Variants in TTC34 observed in about 807,000 individuals in gnomAD.
TTC34 encodes tetratricopeptide repeat domain 34, also known as tetratricopeptide repeat protein 34.
In TTC34, 44 loss-of-function variants were observed where a neutral mutation model predicts 40.7. The ratio of observed to expected loss-of-function variants is 1.08; its 90% confidence interval spans 0.85 to 1.39. TTC34 has a LOEUF of 1.39. Among genes scored for constraint, TTC34 ranks in the 40% most tolerant of loss-of-function variants. TTC34 has a pLI of 0.00. For synonymous variants in TTC34, 422 were observed against 398.6 expected (o/e 1.06, Z -0.70); for missense variants, 884 against 838.0 (o/e 1.05, Z -0.68).
At chr1:2,771,477 T>C (rs1305463939) in intron 6 of TTC34, among the ~76,000 whole-genome samples, 14 of 69,676 alleles carry the variant, frequency 2.0e-4, no homozygotes, top group East Asian at 9.9e-4. Context: ...TGGAACAGCA[T>C]CCACACCCCC....
intron 6 of TTC34, among the ~76,000 whole-genome samples, chr1:2,650,105 A>C (rs149007480): frequency 3.5e-5 from 5 of 142,730 alleles, no homozygotes; most frequent in African/African-American, 1.1e-4. Flanking sequence ...CCAGGTGAAC[A>C]TCTGACAGCC....
intron 6 of TTC34, among the ~76,000 whole-genome samples, chr1:2,773,185 T>A (rs1179057457): frequency 2.1e-5 from 2 of 93,182 alleles, no homozygotes; most frequent in Admixed American, 1.1e-4. Flanking sequence ...CACCCCCAGG[T>A]GAGCATGTGA....
intron 6 of TTC34, among the ~76,000 whole-genome samples, chr1:2,652,352 A>G (rs1639169980): frequency 6.6e-6 from 1 of 151,572 alleles, no homozygotes; most frequent in African/African-American, 2.4e-5. Context: ...GATATCCTGG[A>G]ACAGCACGCA....
In TTC34 at chr1:2,749,654, G is replaced by A. The variant is rs1438912112; in HGVS notation, c.2226+33955C>T. Reference sequence around the variant, plus strand: ...GAGCAGCCCCCACACCCAGAGGTGAGCATCCGACAGCCTGGAGCAGCAACC... The same window carrying A: ...GAGCAGCCCCCACACCCAGAGGTGAACATCCGACAGCCTGGAGCAGCAACC... On this transcript the variant is annotated intron_variant, in intron 6 of 8. Transcript: ENST00000401095. Among the ~76,000 whole-genome samples, 32 of 111,928 alleles carry A rather than the reference G, an allele frequency of 2.9e-4. 6 individuals are homozygous for A. Among genetic ancestry groups the A allele is most frequent in the African/African-American group, 1.4e-3 (31 of 22,332 alleles). 73.4% of individuals were successfully genotyped at this position (111,928 alleles called of 152,430 possible).
intron 6 of TTC34, among the ~76,000 whole-genome samples, chr1:2,688,556 G>T (rs867876974): frequency 7.2e-6 from 1 of 139,508 alleles, no homozygotes; most frequent in Admixed American, 7.1e-5. Flanking sequence ...TGAACCCACG[G>T]AGCAGCACCC....
intron 6 of TTC34, among the ~76,000 whole-genome samples, chr1:2,647,698 G>A (rs1639047445): frequency 6.6e-6 from 1 of 152,146 alleles, no homozygotes; most frequent in Admixed American, 6.5e-5. Context: ...GCCCAGGCTG[G>A]TCTCAAACTC....
At chr1:2,753,398 A>C (rs1431616813) in intron 6 of TTC34, among the ~76,000 whole-genome samples, 129 of 28,958 alleles carry the variant, frequency 4.5e-3, no homozygotes, top group African/African-American at 6.2e-3. Context: ...ATCTGACAGC[A>C]TGTAACAGCA....
intron 6 of TTC34, among the ~76,000 whole-genome samples, chr1:2,694,176 A>G (rs1640755606): frequency 1.2e-4 from 13 of 112,176 alleles, no homozygotes; most frequent in African/African-American, 1.6e-4. Flanking sequence ...ACGGCCTGGA[A>G]CGGCACCCAC....
At chr1:2,644,403 C>T (rs995825032) in exon 8 of TTC34, 15 of 1,535,846 alleles carry the variant, frequency 9.8e-6, no homozygotes, top group South Asian at 3.6e-5. Flanking sequence ...CAGGCCCAGC[C>T]GGGCCCGGGC....
At chr1:2,691,085 G>T (rs1472803348) in intron 6 of TTC34, among the ~76,000 whole-genome samples, 1 of 79,172 alleles carries the variant, frequency 1.3e-5, no homozygotes, top group African/African-American at 4.1e-5. Flanking sequence ...CTGATGCTTT[G>T]GAGCAGCACC....
At chr1:2,688,126 AC>A (rs1640451655) in intron 6 of TTC34, among the ~76,000 whole-genome samples, 2 of 148,422 alleles carry the variant, frequency 1.3e-5, no homozygotes, top group East Asian at 2.0e-4. Context: ...CAGCACCCAC[AC>A]CCCCAGGCGA....
chr1:2,686,890 A>AGG (rs1640384348), intron 6 of TTC34, among the ~76,000 whole-genome samples: 2 of 37,418 alleles, frequency 5.3e-5, no homozygotes, highest in Non-Finnish European at 1.0e-4. Flanking sequence ...ACACCCCCTG[A>AGG]TGAGCATCTG....
intron 6 of TTC34, among the ~76,000 whole-genome samples, chr1:2,651,465 C>T (rs139696036): frequency 8.6e-5 from 13 of 151,742 alleles, no homozygotes; most frequent in African/African-American, 1.5e-4. Flanking sequence ...CAGCCAAGGA[C>T]GCCACCCCAC....
chr1:2,699,400 C>G (rs1641023124), intron 6 of TTC34, among the ~76,000 whole-genome samples: 1 of 98,288 alleles, frequency 1.0e-5, no homozygotes, highest in African/African-American at 3.2e-5. Flanking sequence ...CAGCCTGGAA[C>G]AGCACCCCAC....
At chr1:2,643,382 C>G (rs1638952579) in intron 8 of TTC34, among the ~76,000 whole-genome samples, 1 of 152,210 alleles carries the variant, frequency 6.6e-6, no homozygotes, top group Admixed American at 6.5e-5. Context: ...TCTGCAGCCT[C>G]GGAGACCCGC....
At chr1:2,685,112 C>A (rs1197409377) in intron 6 of TTC34, among the ~76,000 whole-genome samples, 8 of 145,912 alleles carry the variant, frequency 5.5e-5, no homozygotes, top group Admixed American at 4.7e-4. Flanking sequence ...TGGATCAGCA[C>A]CCACACCCCC....
intron 6 of TTC34, among the ~76,000 whole-genome samples, chr1:2,752,613 C>G (rs1208981957): frequency 8.4e-6 from 1 of 118,840 alleles, no homozygotes; most frequent in Non-Finnish European, 1.7e-5. Flanking sequence ...GGACAAACAC[C>G]CCCAGGCGAG....
intron 2 of TTC34, among the ~76,000 whole-genome samples, chr1:2,792,442 T>C (rs1643673730): frequency 6.6e-6 from 1 of 152,224 alleles, no homozygotes. Context: ...TCTCTTTGCA[T>C]GAATAGTAGT....
In TTC34 at chr1:2,796,086, A is replaced by G. The variant is rs904319083; in HGVS notation, c.784+3958T>C. ...CCTCTTTGCTCTTCTGTCTTGTGCC[A>G]AGTGAGGATGCAGCATTCAAGGCGC... On this transcript the variant is annotated intron_variant, in intron 2 of 8. Coordinates refer to ENST00000401095, the Ensembl canonical transcript of TTC34. This position sits in a 1 kb window ranked among gnomAD's most constrained non-coding sequence, Gnocchi z 4.5. 1.2e-4 allele frequency among the ~76,000 whole-genome samples: 18 copies of G among 152,146 alleles called. No individual in the cohort carries two copies. Among genetic ancestry groups the G allele is most frequent in the African/African-American group, 4.1e-4 (17 of 41,438 alleles).
Sources: allele counts gnomAD v4.1 joint callset (sites outside exome capture counted in the v4.1 genomes callset), GRCh38; gene constraint gnomAD v4.1.1; non-coding constraint Gnocchi (gnomAD v3.1); transcripts MANE v1.5; gene names NCBI Gene and HGNC (gene_info 2026-07-23, HGNC 2026-07-21).